WASHC3: variants seen among roughly 807,000 people sequenced by gnomAD.
WASHC3 encodes the protein WASH complex subunit 3, also known as WASH complex subunit CCDC53.
WASHC3 carries 24 observed loss-of-function variants against 26.1 expected under a neutral mutation model. That is an observed-to-expected ratio of 0.92 (90% CI 0.66 to 1.29). The LOEUF (loss-of-function observed/expected upper bound fraction) is 1.29, where lower values mean the gene tolerates loss of function less well. Among genes scored for constraint, WASHC3 ranks in the 50% most tolerant of loss-of-function variants. The pLI is 0.00. For synonymous variants in WASHC3, 77 were observed against 75.7 expected (o/e 1.02, Z -0.09); for missense variants, 214 against 229.6 (o/e 0.93, Z 0.44).
intron 5 of WASHC3, 72 bp downstream of exon 5, chr12:102,039,796 A>T (rs1877863039): frequency 1.6e-6 from 1 of 612,902 alleles, no homozygotes; most frequent in Non-Finnish European, 2.9e-6. Flanking sequence ...GAAAAAAATA[A>T]CAGTAAAACC....
At chr12:102,014,069 C>T (rs1876594743) in intron 6 of WASHC3, among the ~76,000 whole-genome samples, 1 of 143,836 alleles carries the variant, frequency 7.0e-6, no homozygotes, top group African/African-American at 2.6e-5. Context: ...AATATAACTG[C>T]TACATCTTTT....
At chr12:102,029,146 C>T (rs188335350) in intron 5 of WASHC3, among the ~76,000 whole-genome samples, 88 of 152,270 alleles carry the variant, frequency 5.8e-4, no homozygotes, top group African/African-American at 2.0e-3. Context: ...TTAGAAAATT[C>T]GTTGTTTTGC....
At chr12:102,036,899 C>A (rs765378692) in intron 5 of WASHC3, among the ~76,000 whole-genome samples, 2 of 152,030 alleles carry the variant, frequency 1.3e-5, no homozygotes, top group Non-Finnish European at 2.9e-5. Context: ...GAGTTAAGTG[C>A]TAAGTACTGC....
At chr12:102,015,764 G>A (rs545995085) in intron 6 of WASHC3, among the ~76,000 whole-genome samples, 6 of 152,224 alleles carry the variant, frequency 3.9e-5, no homozygotes, top group Admixed American at 1.3e-4. Flanking sequence ...GTTACAGAAT[G>A]TGAGACAGCC....
chr12:102,033,740 AAG>A (rs559399641), intron 5 of WASHC3, among the ~76,000 whole-genome samples: 15 of 151,994 alleles, frequency 9.9e-5, no homozygotes, highest in East Asian at 3.9e-4. Flanking sequence ...TTTTTTCAGA[AAG>A]AGTTTTTTTT....
At chr12:102,046,335 C>T (rs1316631266) in intron 2 of WASHC3, among the ~76,000 whole-genome samples, 1 of 151,056 alleles carries the variant, frequency 6.6e-6, no homozygotes, top group African/African-American at 2.4e-5. Flanking sequence ...CTTGCTCTGT[C>T]GCCAGGCTGG....
At chr12:102,058,769 A>G (rs138487440) in intron 2 of WASHC3, among the ~76,000 whole-genome samples, 42 of 152,322 alleles carry the variant, frequency 2.8e-4, no homozygotes, top group African/African-American at 8.9e-4. Flanking sequence ...TCACTGCAAC[A>G]TTATTCACAA....
intron 5 of WASHC3, among the ~76,000 whole-genome samples, chr12:102,027,422 T>C (rs999214850): frequency 1.3e-5 from 2 of 152,198 alleles, no homozygotes; most frequent in Admixed American, 6.5e-5. Context: ...CATGCATATG[T>C]ACAAACGTGA....
chr12:102,055,569 C>A (rs1299110317), intron 2 of WASHC3, among the ~76,000 whole-genome samples: 1 of 152,240 alleles, frequency 6.6e-6, no homozygotes, highest in East Asian at 1.9e-4. Context: ...TGGTCTCGAA[C>A]TCTTAGCCTC....
At chr12:102,023,295 A>G (rs2121340690) in intron 6 of WASHC3, among the ~76,000 whole-genome samples, 2 of 152,284 alleles carry the variant, frequency 1.3e-5, no homozygotes, top group Admixed American at 6.5e-5. Context: ...ATTTATTTCT[A>G]TATTAACCTC....
At chr12:102,027,568 G>A (rs1303583360) in intron 5 of WASHC3, among the ~76,000 whole-genome samples, 3 of 151,924 alleles carry the variant, frequency 2.0e-5, no homozygotes, top group African/African-American at 7.2e-5. Flanking sequence ...TTTTTAATAA[G>A]AAAATTTTAT....
Position 102,061,286 on chromosome 12 carries a change from C to G in WASHC3, c.112G>C (p.Val38Leu), listed in dbSNP as rs749197300. Residue 38 changes from valine (V) to leucine (L), a missense_variant, in exon 2 of 7, where the codon GTA becomes CTA. Transcript: ENST00000240079. ...GTAGAAAAGCGGTTGAGGAACTGTA[C>G]AGTGTGCACCACAAATTGGTTTAGA... The part of the protein sequence containing the change: ...AFLNQFVVHT[V>L]QFLNRFSTVC... The G allele has an allele frequency of 3.7e-6, 6 of 1,613,756 alleles. No homozygotes were observed. Among genetic ancestry groups the G allele is most frequent in the Admixed American group, 1.7e-5 (1 of 59,990 alleles).
intron 5 of WASHC3, 35 bp downstream of exon 5, chr12:102,039,833 C>A: frequency 1.0e-6 from 1 of 969,656 alleles, no homozygotes; most frequent in Non-Finnish European, 1.7e-6. Flanking sequence ...TCAAGTGAGG[C>A]TGCTACACAA....
intron 6 of WASHC3, among the ~76,000 whole-genome samples, chr12:102,020,570 G>T (rs1305769063): frequency 6.6e-6 from 1 of 152,120 alleles, no homozygotes; most frequent in East Asian, 1.9e-4. Flanking sequence ...GTATGATAAA[G>T]AGTTTAAAAA....
intron 2 of WASHC3, among the ~76,000 whole-genome samples, chr12:102,053,039 T>C (rs1203294386): frequency 4.0e-5 from 6 of 151,724 alleles, no homozygotes; most frequent in Non-Finnish European, 8.8e-5. Flanking sequence ...GTAGATTGCA[T>C]TGCCAGATTG....
chr12:102,020,833 G>A (rs1876924962), intron 6 of WASHC3, among the ~76,000 whole-genome samples: 1 of 152,228 alleles, frequency 6.6e-6, no homozygotes, highest in Non-Finnish European at 1.5e-5. Flanking sequence ...TGTAATCCCA[G>A]CACTTTGGGA....
At chr12:102,044,764 AAT>A (rs1474229942) in intron 3 of WASHC3, among the ~76,000 whole-genome samples, 1 of 152,166 alleles carries the variant, frequency 6.6e-6, no homozygotes, top group East Asian at 1.9e-4. Flanking sequence ...ATGTTATTAA[AAT>A]ATGTTTCTTC....
intron 6 of WASHC3, among the ~76,000 whole-genome samples, chr12:102,019,850 G>A (rs1411142491): frequency 2.6e-5 from 4 of 152,198 alleles, no homozygotes; most frequent in Non-Finnish European, 4.4e-5. Context: ...GGCGCAGCAG[G>A]AAGGACGAAG....
At chr12:102,017,074 G>A (rs1326095604) in intron 6 of WASHC3, among the ~76,000 whole-genome samples, 2 of 152,110 alleles carry the variant, frequency 1.3e-5, no homozygotes, top group African/African-American at 4.8e-5. Context: ...CATGGTAACT[G>A]CCCTATGCAG....
Sources: gnomAD v4.1 joint callset for allele counts (sites outside exome capture counted in the v4.1 genomes callset) on GRCh38, gnomAD v4.1.1 for gene constraint, MANE v1.5 for transcripts, NCBI Gene and HGNC (gene_info 2026-07-23, HGNC 2026-07-21) for gene names.